FGF12: variants seen among roughly 807,000 people sequenced by gnomAD.
FGF12 encodes the protein fibroblast growth factor 12.
A neutral mutation model predicts 23.6 loss-of-function variants in FGF12; 14 were observed. That is an observed-to-expected ratio of 0.59 (90% CI 0.39 to 0.93). The LOEUF is 0.93. Ranked by LOEUF, FGF12 falls within the 40% of genes least tolerant of loss-of-function variation. FGF12 has a pLI of 0.00. For synonymous variants in FGF12, 62 were observed against 77.3 expected, an observed-to-expected ratio of 0.80 and a Z score of 1.04; for missense variants, 175 against 217.8, an observed-to-expected ratio of 0.80 and a Z score of 1.24.
At chr3:192,575,696 T>C (rs1712848192) in intron 2 of FGF12, among the ~76,000 whole-genome samples, 1 of 152,164 alleles carries the variant, frequency 6.6e-6, no homozygotes, top group Non-Finnish European at 1.5e-5. Context: ...TAAGCCTAGT[T>C]TCTTTCTAAT....
intron 4 of FGF12, among the ~76,000 whole-genome samples, chr3:192,219,936 C>A (rs1718386200): frequency 1.3e-5 from 2 of 152,102 alleles, no homozygotes; most frequent in Admixed American, 6.5e-5. Context: ...TTTGAAATTC[C>A]TCTTTCTGAT....
chr3:192,299,272 G>A (rs1283299716), intron 4 of FGF12, among the ~76,000 whole-genome samples: 2 of 152,194 alleles, frequency 1.3e-5, no homozygotes, highest in Non-Finnish European at 2.9e-5. Flanking sequence ...GGAGAAATTT[G>A]TAGCTGAAAT....
At chr3:192,508,670 T>C (rs945416020) in intron 2 of FGF12, among the ~76,000 whole-genome samples, 2 of 152,224 alleles carry the variant, frequency 1.3e-5, no homozygotes, top group Admixed American at 1.3e-4. Flanking sequence ...TGTAGAGTAA[T>C]TGCCTTTTGT....
At chr3:192,534,048 A>C (rs1725164493) in intron 2 of FGF12, 1 of 190,434 alleles carries the variant, frequency 5.3e-6, no homozygotes, top group Non-Finnish European at 1.2e-5. Flanking sequence ...ACAAGGTTCA[A>C]GGGTGGCACA....
intron 4 of FGF12, among the ~76,000 whole-genome samples, chr3:192,248,575 A>C (rs1483709321): frequency 6.6e-6 from 1 of 152,068 alleles, no homozygotes; most frequent in Non-Finnish European, 1.5e-5. Flanking sequence ...AACCTTGGGA[A>C]TAGCCTATGC....
At chr3:192,233,439 T>C (rs1164280619) in intron 4 of FGF12, among the ~76,000 whole-genome samples, 2 of 152,200 alleles carry the variant, frequency 1.3e-5, no homozygotes, top group African/African-American at 4.8e-5. Context: ...TTCTTACAGA[T>C]TCTGGACATT....
intron 2 of FGF12, among the ~76,000 whole-genome samples, chr3:192,722,655 G>A (rs985934910): frequency 3.3e-5 from 5 of 152,068 alleles, no homozygotes; most frequent in Non-Finnish European, 7.4e-5. Context: ...ACAATCTTCT[G>A]GATCCATGAA....
At chr3:192,380,626 C>A (rs1234388780) in intron 2 of FGF12, among the ~76,000 whole-genome samples, 1 of 152,050 alleles carries the variant, frequency 6.6e-6, no homozygotes, top group Non-Finnish European at 1.5e-5. Flanking sequence ...TTTCTGATAG[C>A]AAGATAGTAA....
intron 2 of FGF12, among the ~76,000 whole-genome samples, chr3:192,546,219 G>A (rs1237996761): frequency 4.6e-5 from 7 of 152,014 alleles, no homozygotes; most frequent in African/African-American, 1.4e-4. Flanking sequence ...ATATAGATAA[G>A]AATGCCTCAT....
rs564968829 is a variant in FGF12 at position 192,220,125 on chromosome 3, G to A, written c.229-49469C>T. ...TCTGTTTCTGGCTTCCCTGCCTCTAGTACCTACTCACTCCAGTTCCTCATA... is the reference window on the plus strand; with the variant it reads ...TCTGTTTCTGGCTTCCCTGCCTCTAATACCTACTCACTCCAGTTCCTCATA... On this transcript the variant is annotated intron_variant, in intron 4 of 5. Transcript: ENST00000445105. Among the ~76,000 whole-genome samples the A allele has an allele frequency of 1.3e-5, 2 of 151,720 alleles. 1 individual carries two copies.
intron 4 of FGF12, among the ~76,000 whole-genome samples, chr3:192,261,685 A>C (rs1712764481): frequency 6.6e-6 from 1 of 152,202 alleles, no homozygotes; most frequent in Non-Finnish European, 1.5e-5. Flanking sequence ...TTTTGCTTAC[A>C]TCATGAGCTT....
chr3:192,356,013 G>T (rs981685907), intron 3 of FGF12, among the ~76,000 whole-genome samples: 14 of 152,212 alleles, frequency 9.2e-5, no homozygotes, highest in Admixed American at 7.9e-4. Flanking sequence ...CCTGCTGGCT[G>T]TCAGGGACTG....
chr3:192,444,985 A>G (rs954248863), intron 2 of FGF12, among the ~76,000 whole-genome samples: 1 of 152,222 alleles, frequency 6.6e-6, no homozygotes, highest in East Asian at 1.9e-4. Context: ...AAGAAAAAAG[A>G]GCACTAATTA....
At position 192,485,553 on chromosome 3, in the gene FGF12, A is replaced by C. The variant is rs58233750; in HGVS notation, c.14-125015T>G. 5.5e-3 allele frequency among the ~76,000 whole-genome samples: 840 copies of C among 152,324 alleles called. 9 individuals are homozygous for C. The highest frequency in any genetic ancestry group is 0.019 in the African/African-American group (802 of 41,578). ...AATTTATCTGTTCCCAATTCCAGCA[A>C]TTAGTTGATAAAACATTTTAATGTA... is the stretch of plus-strand genomic sequence containing the variant. On this transcript the variant is annotated intron_variant, in intron 2 of 5. Transcript: ENST00000445105.
intron 2 of FGF12, among the ~76,000 whole-genome samples, chr3:192,640,065 C>A (rs147114848): frequency 6.7e-6 from 1 of 149,628 alleles, no homozygotes; most frequent in Non-Finnish European, 1.5e-5. Context: ...ACCAGGGGCA[C>A]GGGATGGGAA....
intron 4 of FGF12, among the ~76,000 whole-genome samples, chr3:192,303,693 A>G (rs1715466086): frequency 6.6e-6 from 1 of 152,094 alleles, no homozygotes; most frequent in Non-Finnish European, 1.5e-5. Context: ...AAAGACACCT[A>G]AAGGTGACTG....
At chr3:192,254,286 C>T (rs1181086696) in intron 4 of FGF12, among the ~76,000 whole-genome samples, 4 of 151,690 alleles carry the variant, frequency 2.6e-5, no homozygotes, top group Non-Finnish European at 5.9e-5. Context: ...TCTTTCTGTG[C>T]CTGGCTTATT....
chr3:192,704,530 G>T (rs1263571143), intron 2 of FGF12, among the ~76,000 whole-genome samples: 3 of 152,144 alleles, frequency 2.0e-5, no homozygotes, highest in Admixed American at 1.3e-4. Flanking sequence ...AGGATTTGTT[G>T]TTCCATTTAT....
intron 2 of FGF12, among the ~76,000 whole-genome samples, chr3:192,592,691 C>A (rs74820660): frequency 0.023 from 3,521 of 151,818 alleles, 149 homozygotes; most frequent in African/African-American, 0.078. Context: ...AAAAACAAAA[C>A]CACTTTCCAG....
Sources: gnomAD v4.1 joint callset for allele counts (sites outside exome capture counted in the v4.1 genomes callset) on GRCh38, gnomAD v4.1.1 for gene constraint, MANE v1.5 for transcripts, NCBI Gene and HGNC (gene_info 2026-07-23, HGNC 2026-07-21) for gene names.